Variants in GRIK4 observed in about 807,000 individuals in gnomAD.
GRIK4 encodes the protein glutamate receptor ionotropic, kainate 4.
A neutral mutation model predicts 104.9 loss-of-function variants in GRIK4; 40 were observed. That is an observed-to-expected ratio of 0.38 (90% CI 0.30 to 0.50). GRIK4 has a LOEUF of 0.50. GRIK4 is among the 20% of genes least tolerant of loss of function. The pLI, the probability that GRIK4 is intolerant of heterozygous loss-of-function variation, is 0.93. For missense variants in GRIK4, 1,047 were observed against 1,308.1 expected, an observed-to-expected ratio of 0.80 and a Z score of 3.08; for synonymous variants, 485 against 524.9, an observed-to-expected ratio of 0.92 and a Z score of 1.04.
At chr11:120,881,384 C>CT (rs1394968367) in intron 11 of GRIK4, among the ~76,000 whole-genome samples, 1 of 152,112 alleles carries the variant, frequency 6.6e-6, no homozygotes, top group Non-Finnish European at 1.5e-5. Context: ...CCACACTTTC[C>CT]TTAGACCATG....
chr11:120,659,099 G>T (rs921226933), intron 2 of GRIK4, among the ~76,000 whole-genome samples: 8 of 152,002 alleles, frequency 5.3e-5, no homozygotes, highest in African/African-American at 1.9e-4. Flanking sequence ...AGCATATCCA[G>T]GTGCTCATCA....
chr11:120,890,868 A>AC (rs1385058082), intron 11 of GRIK4, among the ~76,000 whole-genome samples: 5 of 152,168 alleles, frequency 3.3e-5, no homozygotes, highest in African/African-American at 1.2e-4. Context: ...CGAAGGACTT[A>AC]CCCTGCCTTG....
chr11:120,929,774 G>A (rs905582934), intron 13 of GRIK4, among the ~76,000 whole-genome samples: 1 of 152,196 alleles, frequency 6.6e-6, no homozygotes, highest in African/African-American at 2.4e-5. Context: ...CAAGGTGTTA[G>A]AGGGAACCGG....
At chr11:120,790,969 C>G (rs958045166) in intron 3 of GRIK4, among the ~76,000 whole-genome samples, 1 of 152,114 alleles carries the variant, frequency 6.6e-6, no homozygotes, top group Non-Finnish European at 1.5e-5. Flanking sequence ...ATTTGGGACA[C>G]AGAATTTGGA....
At chr11:120,518,553 T>C (rs939010373) in intron 1 of GRIK4, among the ~76,000 whole-genome samples, 2 of 152,090 alleles carry the variant, frequency 1.3e-5, no homozygotes, top group East Asian at 3.9e-4. Context: ...GTCCAAGCAG[T>C]GTAACGGGAG....
intron 3 of GRIK4, among the ~76,000 whole-genome samples, chr11:120,771,477 A>T (rs1296543523): frequency 6.6e-6 from 1 of 152,242 alleles, no homozygotes; most frequent in African/African-American, 2.4e-5. Flanking sequence ...TTGGCTTATG[A>T]GTGCTTATAG....
intron 3 of GRIK4, among the ~76,000 whole-genome samples, chr11:120,661,226 G>A (rs969570995): frequency 6.6e-6 from 1 of 152,166 alleles, no homozygotes; most frequent in Non-Finnish European, 1.5e-5. Flanking sequence ...CGGGGATCAG[G>A]GGTGTCTATG....
At chr11:120,672,934 T>A (rs988336554) in intron 3 of GRIK4, among the ~76,000 whole-genome samples, 1 of 152,238 alleles carries the variant, frequency 6.6e-6, no homozygotes, top group Non-Finnish European at 1.5e-5. Context: ...TCTTGCCTGA[T>A]TGCCCTGGCC....
rs1284538558 is a variant in GRIK4, at chr11:120,549,385, C to T, written c.-159+37498C>T. Among the ~76,000 whole-genome samples, 9 of 152,126 alleles carry T rather than the reference C, an allele frequency of 5.9e-5. No individual in the cohort carries two copies. The South Asian group carries it at 6.2e-4, about 11-fold the overall frequency. On this transcript the variant is annotated intron_variant, in intron 1 of 20. Coordinates refer to ENST00000527524, the MANE Select transcript of GRIK4 (RefSeq NM_014619.5). This position sits in a 1 kb window ranked among gnomAD's most constrained non-coding sequence, Gnocchi z 4.7. ...ACTCCCAAAGTGCTGGAATTATAGG[C>T]GTGAGCCACCGCGCCCGGCCTTGGC...
intron 1 of GRIK4, among the ~76,000 whole-genome samples, chr11:120,644,059 GGAGAGA>G (rs139179410): frequency 6.1e-4 from 74 of 121,116 alleles, no homozygotes; most frequent in Admixed American, 1.8e-3. Context: ...GAGAGAGAGA[GGAGAGA>G]GAGAGAGAGA....
At chr11:120,691,110 TG>T (rs1217486767) in intron 3 of GRIK4, among the ~76,000 whole-genome samples, 1 of 152,210 alleles carries the variant, frequency 6.6e-6, no homozygotes, top group African/African-American at 2.4e-5. Flanking sequence ...ACCCCTGTTC[TG>T]GGGAGTGTTT....
At chr11:120,863,673 G>A (rs375212654) in intron 9 of GRIK4, among the ~76,000 whole-genome samples, 90 of 152,356 alleles carry the variant, frequency 5.9e-4, no homozygotes, top group East Asian at 2.7e-3. Flanking sequence ...AAATAGGAGC[G>A]ATGCCTGTCT....
intron 3 of GRIK4, among the ~76,000 whole-genome samples, chr11:120,694,994 G>A (rs1207789193): frequency 6.6e-6 from 1 of 152,118 alleles, no homozygotes; most frequent in Non-Finnish European, 1.5e-5. Flanking sequence ...AGAGCATTTA[G>A]GAAGGTATTA....
At chr11:120,578,709 T>C (rs979892343) in intron 1 of GRIK4, among the ~76,000 whole-genome samples, 4 of 151,998 alleles carry the variant, frequency 2.6e-5, no homozygotes, top group Admixed American at 6.5e-5. Flanking sequence ...GGAGCTGGAG[T>C]CAGGCAGAGC....
chr11:120,515,588 C>G (rs1591667693), intron 1 of GRIK4, among the ~76,000 whole-genome samples: 2 of 152,238 alleles, frequency 1.3e-5, no homozygotes, highest in East Asian at 3.8e-4. Flanking sequence ...GTCCGTTTGT[C>G]TCCCCACCCA....
At chr11:120,789,482 C>T (rs1009152176) in intron 3 of GRIK4, among the ~76,000 whole-genome samples, 1 of 152,120 alleles carries the variant, frequency 6.6e-6, no homozygotes, top group African/African-American at 2.4e-5. Context: ...CTACCTGTCT[C>T]ATTTCTCTTT....
At chr11:120,818,208 A>G (rs1953011084) in intron 5 of GRIK4, among the ~76,000 whole-genome samples, 1 of 152,220 alleles carries the variant, frequency 6.6e-6, no homozygotes, top group Non-Finnish European at 1.5e-5. Context: ...TTCGCTGCTA[A>G]TGGAATGTGG....
At chr11:120,963,471 G>A (rs145793385) in intron 18 of GRIK4, among the ~76,000 whole-genome samples, 5 of 152,300 alleles carry the variant, frequency 3.3e-5, no homozygotes, top group African/African-American at 9.6e-5. Context: ...TCCTCCAGCC[G>A]CTTCTGACAT....
intron 18 of GRIK4, among the ~76,000 whole-genome samples, chr11:120,966,532 C>A (rs527283102): frequency 6.6e-6 from 1 of 152,300 alleles, no homozygotes; most frequent in African/African-American, 2.4e-5. Context: ...CCATCACACC[C>A]AGCTAATTCT....
Sources: gnomAD v4.1 joint callset for allele counts (sites outside exome capture counted in the v4.1 genomes callset) on GRCh38, gnomAD v4.1.1 for gene constraint, Gnocchi (gnomAD v3.1) non-coding constraint, MANE v1.5 for transcripts, NCBI Gene and HGNC (gene_info 2026-07-23, HGNC 2026-07-21) for gene names.